SNX29: variants seen among roughly 807,000 people sequenced by gnomAD.
SNX29 encodes sorting nexin-29.
Under a neutral mutation model 102.1 loss-of-function variants are expected in SNX29, and 78 were observed. The observed-to-expected ratio is 0.76, with a 90% CI of 0.64 to 0.92. SNX29 has a LOEUF of 0.92. Ranked by LOEUF, SNX29 falls within the 40% of genes least tolerant of loss-of-function variation. The pLI is 0.00. For missense variants in SNX29, 1,280 were observed against 1,061.7 expected, an observed-to-expected ratio of 1.21 and a Z score of -2.86; for synonymous variants, 580 against 414.5, an observed-to-expected ratio of 1.40 and a Z score of -4.85.
intron 13 of SNX29, chr16:12,135,623 G>C: frequency 7.4e-7 from 1 of 1,343,932 alleles, no homozygotes; most frequent in Non-Finnish European, 9.8e-7. Flanking sequence ...GAGGGAGAGA[G>C]AAATCAACAG....
chr16:12,362,995 G>A (rs2082351137), intron 16 of SNX29, among the ~76,000 whole-genome samples: 1 of 152,104 alleles, frequency 6.6e-6, no homozygotes, highest in African/African-American at 2.4e-5. Context: ...TCTCCTCTGT[G>A]CCATGCTCCC....
intron 14 of SNX29, among the ~76,000 whole-genome samples, chr16:12,258,341 C>T (rs956336249): frequency 7.9e-5 from 12 of 152,168 alleles, no homozygotes; most frequent in Non-Finnish European, 1.2e-4. Flanking sequence ...CCCATGTCAT[C>T]GCACTTGCCA....
chr16:12,541,063 G>C (rs560316153), intron 20 of SNX29, among the ~76,000 whole-genome samples: 2 of 152,130 alleles, frequency 1.3e-5, no homozygotes, highest in Non-Finnish European at 2.9e-5. Context: ...TTAGTTTCCT[G>C]AGTTATTGAC....
intron 2 of SNX29, among the ~76,000 whole-genome samples, chr16:12,002,373 G>A (rs1411552955): frequency 6.6e-6 from 1 of 151,728 alleles, no homozygotes; most frequent in African/African-American, 2.4e-5. Context: ...GCTTGAACCC[G>A]GGAGGCAGAG....
At chr16:12,357,431 C>G (rs1219533455) in intron 16 of SNX29, among the ~76,000 whole-genome samples, 1 of 152,174 alleles carries the variant, frequency 6.6e-6, no homozygotes, top group Admixed American at 6.5e-5. Context: ...TTGCCTCATA[C>G]CTTTGAATAG....
chr16:12,323,555 A>G (rs1249184197), intron 15 of SNX29, among the ~76,000 whole-genome samples: 1 of 151,900 alleles, frequency 6.6e-6, no homozygotes, highest in Non-Finnish European at 1.5e-5. Context: ...GTTAGCAGGC[A>G]AAGGCAGATG....
At chr16:12,026,797 T>G (rs1476321413) in intron 3 of SNX29, among the ~76,000 whole-genome samples, 3 of 152,190 alleles carry the variant, frequency 2.0e-5, no homozygotes, top group African/African-American at 7.2e-5. Flanking sequence ...ATATAAAGAA[T>G]GAGAATCAGA....
intron 13 of SNX29, among the ~76,000 whole-genome samples, chr16:12,140,735 G>T (rs1485206641): frequency 6.6e-6 from 1 of 152,160 alleles, no homozygotes; most frequent in African/African-American, 2.4e-5. Context: ...TCTGTGCTGT[G>T]TTCTCCATTG....
chr16:12,519,254 G>A (rs546876394), intron 19 of SNX29, among the ~76,000 whole-genome samples: 1 of 152,318 alleles, frequency 6.6e-6, no homozygotes, highest in South Asian at 2.1e-4. Context: ...AACAGCTTGT[G>A]GTGAAAATGG....
intron 14 of SNX29, 42 bp from the exon 15 acceptor site, chr16:12,277,891 A>T: frequency 6.6e-7 from 1 of 1,526,218 alleles, no homozygotes; most frequent in Non-Finnish European, 8.9e-7. Flanking sequence ...ATAATTTTCG[A>T]TACTGTTGAA....
At chr16:12,541,371 G>C (rs1182913572) in intron 20 of SNX29, among the ~76,000 whole-genome samples, 1 of 152,108 alleles carries the variant, frequency 6.6e-6, no homozygotes, top group Admixed American at 6.5e-5. Context: ...TTCCCTATGA[G>C]GGCAGTTACC....
intron 11 of SNX29, chr16:12,093,579 C>T (rs2052648344): frequency 6.6e-6 from 1 of 152,264 alleles, no homozygotes; most frequent in Non-Finnish European, 1.5e-5. Flanking sequence ...GCACCACAGC[C>T]TGGGTGACAG....
intron 18 of SNX29, among the ~76,000 whole-genome samples, chr16:12,436,518 C>G (rs2085547067): frequency 6.6e-6 from 1 of 152,264 alleles, no homozygotes; most frequent in Non-Finnish European, 1.5e-5. Flanking sequence ...ATTCATACCC[C>G]TGACTGCTCA....
At chr16:12,327,430 G>T (rs149359647) in intron 15 of SNX29, among the ~76,000 whole-genome samples, 1 of 152,096 alleles carries the variant, frequency 6.6e-6, no homozygotes, top group East Asian at 1.9e-4. Context: ...CAAGGTGTCG[G>T]CAGGGTTGTT....
At chr16:12,013,759 C>T (rs912710312) in intron 3 of SNX29, among the ~76,000 whole-genome samples, 1 of 151,146 alleles carries the variant, frequency 6.6e-6, no homozygotes, top group Admixed American at 6.6e-5. Flanking sequence ...ATTCTCCTGT[C>T]TCAGCCTCCC....
chr16:12,150,272 C>G (rs983763598), intron 13 of SNX29, among the ~76,000 whole-genome samples: 1 of 152,142 alleles, frequency 6.6e-6, no homozygotes, highest in Admixed American at 6.5e-5. Context: ...TGATGATGGT[C>G]AGATCCAAAG....
intron 16 of SNX29, among the ~76,000 whole-genome samples, chr16:12,361,492 T>C (rs1184559529): frequency 6.6e-6 from 1 of 152,188 alleles, no homozygotes. Flanking sequence ...CAGTCAAAAA[T>C]TTGGCTTCCC....
chr16:12,568,560 C>T lies in SNX29; in HGVS notation c.2373C>T (p.Arg791=). ...PVNSRPKAAS[R]FPKLSRGQPR... ...ACAGCCGGCCCAAAGCAGCTTCCCG[C>T]TTCCCCAAACTGTCCCGGGGTCAGC... Residue 791 remains arginine (R), a synonymous_variant, in exon 21 of 21, where the codon CGC becomes CGT. Coordinates refer to ENST00000566228, the MANE Select transcript of SNX29 (RefSeq NM_032167.5). 3 of 1,609,294 alleles carry T rather than the reference C, an allele frequency of 1.9e-6. No individual in the cohort carries two copies. The highest frequency in any genetic ancestry group is 1.7e-6 in the Non-Finnish European group (2 of 1,179,858).
At chr16:12,050,875 C>T (rs1470186050) in intron 7 of SNX29, among the ~76,000 whole-genome samples, 8 of 150,640 alleles carry the variant, frequency 5.3e-5, no homozygotes, top group African/African-American at 1.5e-4. Flanking sequence ...CCACGCCCAA[C>T]TAATTTTTTT....
Sources: gnomAD v4.1 joint callset for allele counts (sites outside exome capture counted in the v4.1 genomes callset) on GRCh38, gnomAD v4.1.1 for gene constraint, MANE v1.5 for transcripts, NCBI Gene and HGNC (gene_info 2026-07-23, HGNC 2026-07-21) for gene names.